C4orf51: variants seen among roughly 807,000 people sequenced by gnomAD.
C4orf51 encodes the protein uncharacterized protein C4orf51.
Under a neutral mutation model 25.2 loss-of-function variants are expected in C4orf51, and 25 were observed. That is an observed-to-expected ratio of 0.99 (90% CI 0.72 to 1.39). The LOEUF (loss-of-function observed/expected upper bound fraction) is 1.39, where lower values mean the gene tolerates loss of function less well. Among genes scored for constraint, C4orf51 ranks in the 40% most tolerant of loss-of-function variants. The pLI, the probability that C4orf51 is intolerant of heterozygous loss-of-function variation, is 0.00. For missense variants in C4orf51, 252 were observed against 239.6 expected (o/e 1.05, Z -0.34); for synonymous variants, 100 against 84.5 (o/e 1.18, Z -1.01).
chr4:145,685,186 T>A, intron 1 of C4orf51, among the ~76,000 whole-genome samples: 1 of 152,170 alleles, frequency 6.6e-6, no homozygotes, highest in Middle Eastern at 3.2e-3. Flanking sequence ...GAAACACCTA[T>A]TGGAACTGTA....
At chr4:145,780,541 A>G in the C4orf51 span, among the ~76,000 whole-genome samples, 1 of 152,210 alleles carries the variant, frequency 6.6e-6, no homozygotes, top group African/African-American at 2.4e-5. Context: ...TAATCATCTT[A>G]AAGAGTTTTT....
chr4:145,729,956 C>T lies in C4orf51; in HGVS notation c.492C>T (p.Val164=). ...ACTACAGTCGACGAGGGAAAGGTGT[C>T]CTAAAGCATGTAAGAATCTTTTTAC... The part of the protein sequence containing the change: ...LINYSRRGKG[V]LKHLHGRCDS... Residue 164 remains valine, a synonymous_variant, in exon 5 of 6, where the codon GTC becomes GTT. Transcript: ENST00000438731. 1 of 1,613,792 alleles carries T rather than the reference C, an allele frequency of 6.2e-7. No homozygotes were observed. Among genetic ancestry groups the T allele is most frequent in the South Asian group, 1.1e-5 (1 of 91,072 alleles).
Position 145,690,953 on chromosome 4 carries a change from CA to C in C4orf51, c.234-5599del, listed in dbSNP as rs1335350535. 6.1e-5 allele frequency among the ~76,000 whole-genome samples: 9 copies of C among 147,348 alleles called. No individual in the cohort carries two copies. In the South Asian group the frequency reaches 6.3e-4, roughly 10 times the overall value. On this transcript the variant is annotated intron_variant, in intron 1 of 5. Transcript: ENST00000438731. ...CCCATCTCCCCGCTCCCACCCCCCA[CA>C]AAAAAAGAATTAGCCAGATGTGGGG...
In C4orf51 at chr4:145,719,710, G is replaced by A. The variant is rs1205118179; in HGVS notation, c.308-7201G>A. On this transcript the variant is annotated intron_variant, in intron 2 of 5. Transcript: ENST00000438731. ...TTTAAAAATGAAGTGAATTACTAGT[G>A]CGTGGCACTGTTGCACACAAACATG... Among the ~76,000 whole-genome samples, 4 of 152,020 alleles carry A rather than the reference G, an allele frequency of 2.6e-5. No homozygotes were observed. In the East Asian group the frequency reaches 5.8e-4, roughly 22 times the overall value.
intron 2 of C4orf51, among the ~76,000 whole-genome samples, chr4:145,704,329 G>A (rs1482374043): frequency 6.6e-6 from 1 of 152,166 alleles, no homozygotes; most frequent in African/African-American, 2.4e-5. Context: ...GAGGGGATAT[G>A]GCTTCATTAA....
chr4:145,698,704 T>G (rs1470359273), intron 2 of C4orf51, among the ~76,000 whole-genome samples: 1 of 152,150 alleles, frequency 6.6e-6, no homozygotes. Flanking sequence ...CCTGAACTAG[T>G]TTTTCAGGAT....
downstream of C4orf51, among the ~76,000 whole-genome samples, chr4:145,733,246 C>T (rs1285474232): frequency 6.6e-6 from 1 of 152,110 alleles, no homozygotes; most frequent in African/African-American, 2.4e-5. Context: ...CCACGGCCCA[C>T]CTCTTCTCCC....
rs532156492 is a variant in C4orf51 at position 145,689,848 on chromosome 4, C to T, written c.234-6711C>T. On this transcript the variant is annotated intron_variant, in intron 1 of 5. Transcript: ENST00000438731. ...AAGAAAGCTGGACCCCTACCTTTCACCATATAAAAAAAATTAACTCAAGAT... is the reference window on the plus strand; with the variant it reads ...AAGAAAGCTGGACCCCTACCTTTCATCATATAAAAAAAATTAACTCAAGAT... Among the ~76,000 whole-genome samples the T allele has an allele frequency of 2.6e-5, 4 of 152,202 alleles. No individual in the cohort carries two copies. The East Asian group carries it at 7.7e-4, about 29-fold the overall frequency.
chr4:145,788,845 C>A, the C4orf51 span, among the ~76,000 whole-genome samples: 1 of 152,306 alleles, frequency 6.6e-6, no homozygotes, highest in Non-Finnish European at 1.5e-5. Flanking sequence ...GTAATCAGGC[C>A]TGAAAATCAT....
At chr4:145,787,318 C>T in the C4orf51 span, among the ~76,000 whole-genome samples, 3 of 152,150 alleles carry the variant, frequency 2.0e-5, no homozygotes, top group African/African-American at 7.2e-5. Flanking sequence ...CACAAATTAG[C>T]TGAGCGTGGT....
chr4:145,740,382 T>C (rs1024214168), intron 1 of C4orf51, among the ~76,000 whole-genome samples: 1 of 152,218 alleles, frequency 6.6e-6, no homozygotes, highest in Admixed American at 6.5e-5. Context: ...TTTTGGTTAA[T>C]CTGTAATTAA....
intron 2 of C4orf51, among the ~76,000 whole-genome samples, chr4:145,714,491 A>C (rs1205592514): frequency 6.6e-6 from 1 of 152,070 alleles, no homozygotes; most frequent in Non-Finnish European, 1.5e-5. Context: ...CTATCTTCTG[A>C]CCTACATATT....
At position 145,762,891 on chromosome 4, in the gene C4orf51, G is replaced by C. The variant is rs575244656; in HGVS notation, n.167-8097G>C. 6.6e-6 allele frequency among the ~76,000 whole-genome samples: 1 copy of C among 152,350 alleles called. No individual in the cohort carries two copies. The highest frequency in any genetic ancestry group is 2.4e-5 in the African/African-American group (1 of 41,576). Reference sequence around the variant, plus strand: ...TTGGCTCCTGCAGGGCAGGGCTCAGGAGTGGACTGTCCTCGGAGGGTCTGG... The same window carrying C: ...TTGGCTCCTGCAGGGCAGGGCTCAGCAGTGGACTGTCCTCGGAGGGTCTGG... On this transcript the variant is annotated intron_variant and non_coding_transcript_variant, in intron 1 of 1. Transcript: ENST00000510096. The surrounding 1 kb of genome is among the most constrained non-coding windows in gnomAD (Gnocchi z 4.9).
At chr4:145,771,618 G>A (rs1242068511), downstream of C4orf51, among the ~76,000 whole-genome samples, 1 of 152,216 alleles carries the variant, frequency 6.6e-6, no homozygotes, top group East Asian at 1.9e-4. Context: ...AAGAAGGTGA[G>A]GAGGGATCAC....
intron 1 of C4orf51, among the ~76,000 whole-genome samples, chr4:145,748,443 G>T (rs1311947153): frequency 6.6e-6 from 1 of 151,712 alleles, no homozygotes; most frequent in Admixed American, 6.6e-5. Context: ...GGTTTAGTTT[G>T]CTCTTGCTTT....
At chr4:145,701,551 C>T (rs566248597) in intron 2 of C4orf51, among the ~76,000 whole-genome samples, 28 of 151,866 alleles carry the variant, frequency 1.8e-4, no homozygotes, top group Admixed American at 4.6e-4. Flanking sequence ...CTTGGCTTAG[C>T]GGCTGAAGAC....
the C4orf51 span, among the ~76,000 whole-genome samples, chr4:145,791,654 A>G: frequency 6.6e-6 from 1 of 152,208 alleles, no homozygotes; most frequent in Admixed American, 6.5e-5. Context: ...TTAATGGTTA[A>G]GAAAACTTTG....
intron 1 of C4orf51, among the ~76,000 whole-genome samples, chr4:145,740,034 GT>G (rs1302642374): frequency 6.6e-6 from 1 of 152,154 alleles, no homozygotes; most frequent in Non-Finnish European, 1.5e-5. Flanking sequence ...CAAACGTTAA[GT>G]TCAGAGTCCG....
the C4orf51 span, among the ~76,000 whole-genome samples, chr4:145,781,393 GGAA>G: frequency 6.6e-6 from 1 of 152,028 alleles, no homozygotes; most frequent in Non-Finnish European, 1.5e-5. Flanking sequence ...TGCCAGATAG[GGAA>G]GAAGAAACAA....
Sources: gnomAD v4.1 joint callset for allele counts (sites outside exome capture counted in the v4.1 genomes callset) on GRCh38, gnomAD v4.1.1 for gene constraint, Gnocchi (gnomAD v3.1) non-coding constraint, MANE v1.5 for transcripts, NCBI Gene and HGNC (gene_info 2026-07-23, HGNC 2026-07-21) for gene names.